GRID2: variants seen among roughly 807,000 people sequenced by gnomAD.
GRID2 encodes glutamate ionotropic receptor delta type subunit 2, also known as glutamate receptor ionotropic, delta-2.
Under a neutral mutation model 114.8 loss-of-function variants are expected in GRID2, and 33 were observed. That is an observed-to-expected ratio of 0.29 (90% CI 0.22 to 0.38). The LOEUF (loss-of-function observed/expected upper bound fraction) is 0.38. GRID2 is among the 10% of genes least tolerant of loss of function. The pLI, the probability that GRID2 is intolerant of heterozygous loss-of-function variation, is 1.00. For missense variants in GRID2, 1,184 were observed against 1,257.7 expected (o/e 0.94, Z 0.89); for synonymous variants, 505 against 449.9 (o/e 1.12, Z -1.55).
chr4:93,490,933 G>A (rs775492985), intron 12 of GRID2, among the ~76,000 whole-genome samples, 156 bp downstream of exon 12: 6 of 151,904 alleles, frequency 3.9e-5, no homozygotes, highest in Admixed American at 1.3e-4. Context: ...TCACTGATTA[G>A]TCCAAGTCCT....
intron 2 of GRID2, among the ~76,000 whole-genome samples, chr4:92,734,720 G>A (rs1736505122): frequency 6.7e-6 from 1 of 148,242 alleles, no homozygotes; most frequent in Non-Finnish European, 1.5e-5. Context: ...TACAATATAT[G>A]TATTTTAACT....
At chr4:92,615,189 G>T (rs1199699252) in intron 2 of GRID2, among the ~76,000 whole-genome samples, 3 of 151,448 alleles carry the variant, frequency 2.0e-5, no homozygotes, top group Non-Finnish European at 3.0e-5. Flanking sequence ...TCCTAACATG[G>T]TCTTTCTTTG....
intron 1 of GRID2, among the ~76,000 whole-genome samples, chr4:92,500,562 T>C (rs567982108): frequency 2.0e-5 from 3 of 152,306 alleles, no homozygotes; most frequent in South Asian, 2.1e-4. Context: ...CTTGTGTTTT[T>C]ACTTATTATT....
chr4:93,373,814 T>C lies in GRID2; in HGVS notation c.1246-21793T>C, dbSNP rs144948345. Among the ~76,000 whole-genome samples the C allele has an allele frequency of 4.9e-3, 749 of 152,306 alleles. 8 individuals are homozygous for C. The highest frequency in any genetic ancestry group is 0.017 in the African/African-American group (727 of 41,576). On this transcript the variant is annotated intron_variant, in intron 8 of 15. Transcript: ENST00000282020. ...TGGTCACTGAAATCATTTTTGTTGTTTCTAGTTCCAATGAGAAATGCCAGC... is the reference window on the plus strand; with the variant it reads ...TGGTCACTGAAATCATTTTTGTTGTCTCTAGTTCCAATGAGAAATGCCAGC...
At chr4:92,581,922 AT>A (rs1192111900) in intron 1 of GRID2, among the ~76,000 whole-genome samples, 3 of 152,164 alleles carry the variant, frequency 2.0e-5, no homozygotes, top group African/African-American at 7.2e-5. Flanking sequence ...ATCATAACTA[AT>A]ACCCTCTGTG....
chr4:93,351,117 A>C (rs957537241), intron 8 of GRID2, among the ~76,000 whole-genome samples: 1 of 152,058 alleles, frequency 6.6e-6, no homozygotes, highest in African/African-American at 2.4e-5. Flanking sequence ...CCTGCCCTTG[A>C]TATGTGGGGA....
chr4:93,741,785 A>G (rs1050522112), intron 14 of GRID2, among the ~76,000 whole-genome samples: 2 of 152,040 alleles, frequency 1.3e-5, no homozygotes, highest in African/African-American at 2.4e-5. Context: ...TTAGCTGGGC[A>G]TGGTGGTGCA....
chr4:92,562,540 A>G (rs1293462513), intron 1 of GRID2, among the ~76,000 whole-genome samples: 2 of 152,188 alleles, frequency 1.3e-5, no homozygotes, highest in Admixed American at 1.3e-4. Flanking sequence ...AAGTAGTACT[A>G]ACAGTCAATT....
rs114978692 is a variant in GRID2, at chr4:92,329,069, C to T, written c.88+24325C>T. On this transcript the variant is annotated intron_variant, in intron 1 of 15. Coordinates refer to ENST00000282020, the MANE Select transcript of GRID2 (RefSeq NM_001510.4). The stretch of plus-strand genomic sequence containing the variant: ...ACGTGTATATATATGTGTGTGCACA[C>T]GTGCATGCTAATTTTACTTCATAAT... 9.7e-4 allele frequency among the ~76,000 whole-genome samples: 148 copies of T among 152,028 alleles called. 1 individual carries two copies. Among genetic ancestry groups the T allele is most frequent in the African/African-American group, 3.3e-3 (137 of 41,500 alleles).
chr4:92,715,761 C>T (rs998322905), intron 2 of GRID2, among the ~76,000 whole-genome samples: 6 of 152,302 alleles, frequency 3.9e-5, no homozygotes, highest in African/African-American at 1.4e-4. Flanking sequence ...ACATACGTAT[C>T]ACTAGGTCCC....
intron 2 of GRID2, among the ~76,000 whole-genome samples, chr4:92,753,891 G>A (rs1156277003): frequency 6.6e-6 from 1 of 151,962 alleles, no homozygotes; most frequent in East Asian, 1.9e-4. Flanking sequence ...TAAAAGGAGG[G>A]TTTTTCCATT....
chr4:92,414,472 A>C (rs533787483), intron 1 of GRID2, among the ~76,000 whole-genome samples: 1 of 152,306 alleles, frequency 6.6e-6, no homozygotes, highest in Non-Finnish European at 1.5e-5. Context: ...GAGAAGCAAT[A>C]GAGTTAACAT....
chr4:92,445,346 A>C (rs1335497752), intron 1 of GRID2, among the ~76,000 whole-genome samples: 1 of 152,214 alleles, frequency 6.6e-6, no homozygotes, highest in East Asian at 1.9e-4. Flanking sequence ...TCACCCTTCA[A>C]GTACCATATC....
At chr4:93,105,876 A>G (rs1732176236) in intron 3 of GRID2, among the ~76,000 whole-genome samples, 1 of 152,100 alleles carries the variant, frequency 6.6e-6, no homozygotes, top group South Asian at 2.1e-4. Flanking sequence ...CAGACAATTA[A>G]CAGCTTTAAT....
intron 10 of GRID2, among the ~76,000 whole-genome samples, chr4:93,438,736 G>A (rs917708299): frequency 2.0e-5 from 3 of 151,750 alleles, no homozygotes; most frequent in Admixed American, 6.6e-5. Context: ...CAATGTGCAA[G>A]TTTGTTACAT....
intron 2 of GRID2, among the ~76,000 whole-genome samples, chr4:92,905,464 T>C (rs796940903): frequency 6.6e-6 from 1 of 151,968 alleles, no homozygotes; most frequent in African/African-American, 2.4e-5. Flanking sequence ...TACAAATGCA[T>C]AGGAGATCTG....
chr4:93,601,872 C>A (rs921870940), intron 13 of GRID2, among the ~76,000 whole-genome samples: 2 of 151,992 alleles, frequency 1.3e-5, no homozygotes, highest in Non-Finnish European at 1.5e-5. Context: ...TATATTACAC[C>A]TTTATTTTCT....
At chr4:93,529,493 C>T (rs1731242633) in intron 13 of GRID2, among the ~76,000 whole-genome samples, 1 of 152,194 alleles carries the variant, frequency 6.6e-6, no homozygotes, top group Non-Finnish European at 1.5e-5. Context: ...TTAATAAGCT[C>T]TTCAAGTGAT....
intron 2 of GRID2, among the ~76,000 whole-genome samples, chr4:92,714,511 A>G (rs751200679): frequency 6.6e-6 from 1 of 152,180 alleles, no homozygotes; most frequent in Non-Finnish European, 1.5e-5. Context: ...CTTCAACCCC[A>G]CATTTCCCTT....
Sources: allele counts gnomAD v4.1 joint callset (sites outside exome capture counted in the v4.1 genomes callset), GRCh38; gene constraint gnomAD v4.1.1; transcripts MANE v1.5; gene names NCBI Gene and HGNC (gene_info 2026-07-23, HGNC 2026-07-21).